F2: variants seen among roughly 807,000 people sequenced by gnomAD.
F2 encodes coagulation factor II, thrombin, also known as prothrombin.
Under a neutral mutation model 81.9 loss-of-function variants are expected in F2, and 34 were observed. The ratio of observed to expected loss-of-function variants is 0.42; its 90% confidence interval spans 0.32 to 0.55. The LOEUF (loss-of-function observed/expected upper bound fraction) is 0.55, where lower values mean the gene tolerates loss of function less well. Ranked by LOEUF, F2 falls within the 20% of genes least tolerant of loss-of-function variation. F2 has a pLI of 0.18. For missense variants in F2, 630 were observed against 833.4 expected (o/e 0.76, Z 3.00); for synonymous variants, 296 against 326.4 (o/e 0.91, Z 1.01).
At chr11:46,736,216 A>AATCG (rs535089898) in intron 12 of F2, among the ~76,000 whole-genome samples, 54 of 152,138 alleles carry the variant, frequency 3.5e-4, no homozygotes, top group Non-Finnish European at 5.7e-4. Context: ...TCAATCAATC[A>AATCG]ATCAATCAAT....
At position 46,719,252 on chromosome 11, in the gene F2, G is replaced by T; in HGVS notation, c.17G>T (p.Gly6Val). 1 of 1,613,852 alleles carries T rather than the reference G, an allele frequency of 6.2e-7. No homozygotes were observed. The highest frequency in any genetic ancestry group is 1.1e-5 in the South Asian group (1 of 91,076). Residue 6 changes from glycine (G) to valine (V), a missense_variant, in exon 1 of 14, where the codon GGC becomes GTC. Transcript: ENST00000311907. This position sits in a 1 kb window ranked among gnomAD's most constrained non-coding sequence, Gnocchi z 4.7. ...TGACACACTATGGCGCACGTCCGAG[G>T]CTTGCAGCTGCCTGGCTGCCTGGCC... Reference protein sequence around the residue: MAHVRGLQLPGCLALA... With the variant: MAHVRVLQLPGCLALA...
In F2 at chr11:46,728,024, C is replaced by T. The variant is rs2064886777; in HGVS notation, c.1159C>T (p.Gln387Ter). The T allele has an allele frequency of 6.2e-7, 1 of 1,611,036 alleles. No homozygotes were observed. The highest frequency in any genetic ancestry group is 8.5e-7 in the Non-Finnish European group (1 of 1,179,062). Residue 387 changes from glutamine to a stop codon, truncating the protein, a stop_gained, in exon 10 of 14, where the codon CAG (glutamine) becomes TAG (stop). Coordinates refer to ENST00000311907, the MANE Select transcript of F2 (RefSeq NM_000506.5). LOFTEE classifies it high-confidence loss of function. This position sits in a 1 kb window ranked among gnomAD's most constrained non-coding sequence, Gnocchi z 5.1. ...GGTGATGCTTTTCCGGAAGAGTCCC[C>T]AGGAGCTGCTGTGTGGGGCCAGCCT... ...WQVMLFRKSP[Q>*]ELLCGASLIS...
intron 12 of F2, among the ~76,000 whole-genome samples, chr11:46,731,912 G>GTTT (rs71042616): frequency 3.5e-3 from 311 of 88,144 alleles, no homozygotes; most frequent in East Asian, 8.8e-3. Context: ...ACACTTTGAT[G>GTTT]TTTTTTTTTT....
Position 46,726,934 on chromosome 11 carries a change from G to C in F2, c.1130+97G>C. ...CCTGCCTGCAGGCCTGGGCTTTACA[G>C]ATGACAACAGCTGAGCATCCAGGAT... is the stretch of plus-strand genomic sequence containing the variant. On this transcript the variant is annotated intron_variant, in intron 9 of 13. Transcript: ENST00000311907. The surrounding 1 kb of genome is among the most constrained non-coding windows in gnomAD (Gnocchi z 5.9). The C allele has an allele frequency of 1.3e-6, 2 of 1,577,186 alleles. No homozygotes were observed.
chr11:46,732,186 T>C (rs2064917551), intron 12 of F2, among the ~76,000 whole-genome samples: 1 of 152,020 alleles, frequency 6.6e-6, no homozygotes, highest in East Asian at 1.9e-4. Context: ...AGTGCTGGGA[T>C]TACAGGTGTG....
intron 9 of F2, 35 bp from the exon 10 acceptor site, chr11:46,727,961 C>T (rs746537043): frequency 1.9e-6 from 3 of 1,588,852 alleles, no homozygotes; most frequent in Non-Finnish European, 2.6e-6. Flanking sequence ...GCCCCCTCAT[C>T]CTCAGCTCCT....
intron 12 of F2, among the ~76,000 whole-genome samples, chr11:46,735,150 A>G (rs1015060080): frequency 6.6e-6 from 1 of 152,196 alleles, no homozygotes; most frequent in Admixed American, 6.5e-5. Flanking sequence ...TGTCTCTACA[A>G]GAAAATATTG....
In F2 at chr11:46,728,434, G is replaced by A. The variant is rs1221632172; in HGVS notation, c.1299-230G>A. Among the ~76,000 whole-genome samples, 2 of 152,148 alleles carry A rather than the reference G, an allele frequency of 1.3e-5. No individual in the cohort carries two copies. The highest frequency in any genetic ancestry group is 2.4e-5 in the African/African-American group (1 of 41,436). On this transcript the variant is annotated intron_variant, in intron 10 of 13. Coordinates refer to ENST00000311907, the MANE Select transcript of F2 (RefSeq NM_000506.5). This position sits in a 1 kb window ranked among gnomAD's most constrained non-coding sequence, Gnocchi z 5.1. ...AAATAGAGTCTGTCTGGACTAGGGC[G>A]TGCAGCCTGTGCCCCTGTCCCCGTC... is the stretch of plus-strand genomic sequence containing the variant.
chr11:46,720,914 G>A (rs1201982951), intron 4 of F2, 74 bp downstream of exon 4: 1 of 1,561,926 alleles, frequency 6.4e-7, no homozygotes, highest in African/African-American at 1.4e-5. Flanking sequence ...GGTGGGTTTG[G>A]AGTGTGGCTG....
chr11:46,728,277 A>C lies in F2; in HGVS notation c.1298+114A>C. 8.6e-7 allele frequency: 1 copy of C among 1,162,918 alleles called. No homozygotes were observed. The highest frequency in any genetic ancestry group is 1.2e-6 in the Non-Finnish European group (1 of 800,944). The allele number at this position is 1,162,918 out of a possible 1,614,324, so 72.0% of individuals were successfully genotyped here. On this transcript the variant is annotated intron_variant, in intron 10 of 13. Coordinates refer to ENST00000311907, the MANE Select transcript of F2 (RefSeq NM_000506.5). This position sits in a 1 kb window ranked among gnomAD's most constrained non-coding sequence, Gnocchi z 5.1. Reference sequence around the variant, plus strand: ...GGATGTTCTGTATACCCCCCAGAATATAACATCCCAGCAGTCTCTGCTGGA... The same window carrying C: ...GGATGTTCTGTATACCCCCCAGAATCTAACATCCCAGCAGTCTCTGCTGGA...
chr11:46,728,215 G>T lies in F2; in HGVS notation c.1298+52G>T. On this transcript the variant is annotated intron_variant, in intron 10 of 13. Transcript: ENST00000311907. The surrounding 1 kb of genome is among the most constrained non-coding windows in gnomAD (Gnocchi z 5.1). The stretch of plus-strand genomic sequence containing the variant: ...CTGGCAGGGGTCTGAGTCCTCCAAA[G>T]CGATCATGAGGGGCCCTGGTGGCTC... The T allele has an allele frequency of 1.3e-6, 2 of 1,569,620 alleles. No individual in the cohort carries two copies. Among genetic ancestry groups the T allele is most frequent in the Non-Finnish European group, 1.7e-6 (2 of 1,153,420 alleles).
intron 12 of F2, among the ~76,000 whole-genome samples, chr11:46,732,554 C>T (rs568848992): frequency 1.5e-4 from 23 of 151,964 alleles, no homozygotes; most frequent in African/African-American, 3.6e-4. Flanking sequence ...TGTGCCACCA[C>T]GCCTGGCTAA....
chr11:46,726,602 A>C lies in F2; in HGVS notation c.979A>C (p.Arg327=). The change falls in exon 8 of 14, where the codon AGG becomes CGG. Residue 327 remains arginine, a synonymous_variant. Transcript: ENST00000311907. This position sits in a 1 kb window ranked among gnomAD's most constrained non-coding sequence, Gnocchi z 5.9. The part of the protein sequence containing the change: ...TSEYQTFFNP[R]TFGSGEADCG... ...TGAGTACCAGACTTTCTTCAATCCG[A>C]GGACCTTTGGCTCGGGAGAGGCAGG... is the stretch of plus-strand genomic sequence containing the variant. 6.2e-7 allele frequency: 1 copy of C among 1,614,164 alleles called. No homozygotes were observed. Among genetic ancestry groups the C allele is most frequent in the Non-Finnish European group, 8.5e-7 (1 of 1,180,002 alleles).
At position 46,728,277 on chromosome 11, in the gene F2, A is replaced by G; in HGVS notation, c.1298+114A>G. 8.6e-7 allele frequency: 1 copy of G among 1,162,918 alleles called. No individual in the cohort carries two copies. The highest frequency in any genetic ancestry group is 1.2e-6 in the Non-Finnish European group (1 of 800,944). 72.0% of individuals were successfully genotyped at this position (1,162,918 alleles called of 1,614,324 possible). On this transcript the variant is annotated intron_variant, in intron 10 of 13. Transcript: ENST00000311907. The surrounding 1 kb of genome is among the most constrained non-coding windows in gnomAD (Gnocchi z 5.1). The stretch of plus-strand genomic sequence containing the variant: ...GGATGTTCTGTATACCCCCCAGAAT[A>G]TAACATCCCAGCAGTCTCTGCTGGA...
At chr11:46,731,914 T>G (rs1272695509) in intron 12 of F2, among the ~76,000 whole-genome samples, 7 of 17,192 alleles carry the variant, frequency 4.1e-4, no homozygotes, top group African/African-American at 1.1e-3. Flanking sequence ...ACTTTGATGT[T>G]TTTTTTTTTT....
chr11:46,739,300 C>T lies in F2; in HGVS notation c.1761C>T (p.Ile587=), dbSNP rs148144570. The change falls in exon 14 of 14, where the codon ATC becomes ATT. Residue 587 remains isoleucine (I), a synonymous_variant. Coordinates refer to ENST00000311907, the MANE Select transcript of F2 (RefSeq NM_000506.5). ...ACAACCGCTGGTATCAAATGGGCATCGTCTCATGGGGTGAAGGCTGTGACC... is the reference window on the plus strand; with the variant it reads ...ACAACCGCTGGTATCAAATGGGCATTGTCTCATGGGGTGAAGGCTGTGACC... ...PFNNRWYQMG[I]VSWGEGCDRD... 1.2e-5 allele frequency: 20 copies of T among 1,614,046 alleles called. No individual in the cohort carries two copies. In the Admixed American group the frequency reaches 1.5e-4, roughly 12 times the overall value.
At chr11:46,721,904 G>A (rs2064839277) in intron 4 of F2, among the ~76,000 whole-genome samples, 1 of 150,970 alleles carries the variant, frequency 6.6e-6, no homozygotes, top group South Asian at 2.1e-4. Flanking sequence ...GTGCAGCAGC[G>A]CGATCTCGGC....
intron 4 of F2, 200 bp from the exon 5 acceptor site, chr11:46,722,980 T>TGGTA (rs1186348218): frequency 3.0e-6 from 2 of 677,258 alleles, no homozygotes; most frequent in East Asian, 5.4e-5. Context: ...GCCTGTCATA[T>TGGTA]GGTAGGCACT....
At chr11:46,724,686 C>G (rs2064859964) in intron 6 of F2, among the ~76,000 whole-genome samples, 1 of 151,984 alleles carries the variant, frequency 6.6e-6, no homozygotes. Flanking sequence ...GAATTTGTGC[C>G]GATTACCAGT....
Sources: allele counts gnomAD v4.1 joint callset (sites outside exome capture counted in the v4.1 genomes callset), GRCh38; gene constraint gnomAD v4.1.1; non-coding constraint Gnocchi (gnomAD v3.1); transcripts MANE v1.5; gene names NCBI Gene and HGNC (gene_info 2026-07-23, HGNC 2026-07-21).